The following ARHGEF33 variants were observed in gnomAD, a reference collection of about 807,000 sequenced individuals.
The protein encoded by ARHGEF33 is Rho guanine nucleotide exchange factor 33.
Under a neutral mutation model 101.9 loss-of-function variants are expected in ARHGEF33, and 72 were observed. The observed-to-expected ratio is 0.71, with a 90% CI of 0.58 to 0.86. ARHGEF33 has a LOEUF of 0.86. Ranked by LOEUF, ARHGEF33 falls within the 40% of genes least tolerant of loss-of-function variation. The pLI is 0.00. For missense variants in ARHGEF33, 1,169 were observed against 1,111.3 expected (o/e 1.05, Z -0.74); for synonymous variants, 499 against 442.5 (o/e 1.13, Z -1.60).
Position 38,974,039 on chromosome 2 carries a change from G to A in ARHGEF33, c.*196G>A. On this transcript the variant is annotated 3_prime_UTR_variant, in exon 18 of 18. Transcript: ENST00000409978. ...ATTGAAGAGATGAAGATTAGTTTCT[G>A]GTTAAGATCTGGCTTTTTGAACCTC... 1 of 274,916 alleles carries A rather than the reference G, an allele frequency of 3.6e-6. No homozygotes were observed. The highest frequency in any genetic ancestry group is 5.8e-6 in the Non-Finnish European group (1 of 173,670). The allele number at this position is 274,916 out of a possible 1,614,324, so 17.0% of individuals were successfully genotyped here.
intron 17 of ARHGEF33, among the ~76,000 whole-genome samples, chr2:38,968,386 T>A (rs1444024334): frequency 6.6e-6 from 1 of 152,204 alleles, no homozygotes; most frequent in African/African-American, 2.4e-5. Context: ...TTGTTGTAGC[T>A]TGATCTGAGT....
At chr2:38,895,878 C>G (rs1572736405) in intron 2 of ARHGEF33, 29 bp downstream of exon 2, 2 of 151,706 alleles carry the variant, frequency 1.3e-5, no homozygotes, top group Admixed American at 1.3e-4. Flanking sequence ...GAACTGTTTT[C>G]TAATAAGAAC....
chr2:38,954,632 C>A (rs959922747), intron 13 of ARHGEF33, among the ~76,000 whole-genome samples, 176 bp downstream of exon 13: 1 of 108,662 alleles, frequency 9.2e-6, no homozygotes, highest in African/African-American at 3.6e-5. Flanking sequence ...TGAGCTAAAA[C>A]CTTTTTTTTT....
At chr2:38,939,306 A>G (rs977952643) in intron 9 of ARHGEF33, among the ~76,000 whole-genome samples, 1 of 152,126 alleles carries the variant, frequency 6.6e-6, no homozygotes, top group African/African-American at 2.4e-5. Context: ...ATTTTTTTTT[A>G]GTGGGGGGAT....
chr2:38,910,860 A>G (rs975262033), intron 2 of ARHGEF33, among the ~76,000 whole-genome samples: 3 of 152,170 alleles, frequency 2.0e-5, no homozygotes, highest in South Asian at 4.1e-4. Flanking sequence ...ACCTTAAATT[A>G]CAGTACTTTG....
intron 1 of ARHGEF33, among the ~76,000 whole-genome samples, chr2:38,895,157 C>T (rs896593408): frequency 6.6e-6 from 1 of 152,148 alleles, no homozygotes; most frequent in Non-Finnish European, 1.5e-5. Flanking sequence ...GCAAGTATTA[C>T]TATTACTAAG....
At chr2:38,958,683 T>G (rs1467266981) in intron 15 of ARHGEF33, among the ~76,000 whole-genome samples, 2 of 149,318 alleles carry the variant, frequency 1.3e-5, no homozygotes, top group African/African-American at 5.0e-5. Flanking sequence ...AGTAAGATAT[T>G]GGTTTTAGCA....
chr2:38,959,143 C>T (rs2124421737), intron 15 of ARHGEF33: 1 of 152,220 alleles, frequency 6.6e-6, no homozygotes, highest in East Asian at 1.9e-4. Flanking sequence ...GGTACCCTAT[C>T]CTAGTTTGTA....
At chr2:38,945,304 A>C (rs1193804421) in intron 10 of ARHGEF33, among the ~76,000 whole-genome samples, 1 of 152,180 alleles carries the variant, frequency 6.6e-6, no homozygotes, top group Non-Finnish European at 1.5e-5. Context: ...CTCAAAACAC[A>C]CGCTGCCCTC....
chr2:38,919,814 A>G (rs1666715146), intron 3 of ARHGEF33, among the ~76,000 whole-genome samples: 1 of 152,196 alleles, frequency 6.6e-6, no homozygotes, highest in Non-Finnish European at 1.5e-5. Context: ...TTTACCATAT[A>G]AAAACAACTA....
chr2:38,973,643 G>C lies in ARHGEF33; in HGVS notation c.2484-71G>C, dbSNP rs562983655. ...TGTTTTACAAATGCAAAACAATTGGGATAGATAAAAATATTTGAAAACAAT... is the reference window on the plus strand; with the variant it reads ...TGTTTTACAAATGCAAAACAATTGGCATAGATAAAAATATTTGAAAACAAT... On this transcript the variant is annotated intron_variant, in intron 17 of 17. Transcript: ENST00000409978. 9 of 1,404,258 alleles carry C rather than the reference G, an allele frequency of 6.4e-6. No individual in the cohort carries two copies. The East Asian group carries it at 2.5e-4, about 40-fold the overall frequency. 87.0% of individuals were successfully genotyped at this position (1,404,258 alleles called of 1,614,324 possible).
Position 38,943,826 on chromosome 2 carries a change from C to G in ARHGEF33, c.791-75C>G, listed in dbSNP as rs749872382. 7.8e-6 allele frequency: 11 copies of G among 1,419,084 alleles called. No homozygotes were observed. In the South Asian group the frequency reaches 9.3e-5, roughly 12 times the overall value. 87.9% of individuals were successfully genotyped at this position (1,419,084 alleles called of 1,614,324 possible). A position where few individuals can be genotyped will look rare whatever the true frequency, so the allele number is the denominator to read the frequency against. ...TATTGCTTTCAATATCCTTTTATCA[C>G]TTTTATTGCTTGCATTTAATGGGAT... is the stretch of plus-strand genomic sequence containing the variant. On this transcript the variant is annotated intron_variant, in intron 9 of 17. Coordinates refer to ENST00000409978, the MANE Select transcript of ARHGEF33 (RefSeq NM_001145451.5).
At chr2:38,938,173 C>T (rs572751160) in intron 9 of ARHGEF33, among the ~76,000 whole-genome samples, 2 of 152,188 alleles carry the variant, frequency 1.3e-5, no homozygotes, top group East Asian at 1.9e-4. Flanking sequence ...GTTTTCTTTT[C>T]GGGGGCATGG....
intron 1 of ARHGEF33, among the ~76,000 whole-genome samples, chr2:38,893,343 A>G (rs1666048826): frequency 6.6e-6 from 1 of 151,982 alleles, no homozygotes; most frequent in Non-Finnish European, 1.5e-5. Context: ...TACTTTTAGT[A>G]GAGACAGAGT....
At chr2:38,941,506 C>T (rs537334464) in intron 9 of ARHGEF33, among the ~76,000 whole-genome samples, 3 of 152,134 alleles carry the variant, frequency 2.0e-5, no homozygotes, top group Admixed American at 1.3e-4. Context: ...AAGTCCAGTA[C>T]CATTCTGATA....
chr2:38,950,860 C>G, intron 10 of ARHGEF33, 129 bp from the exon 11 acceptor site: 1 of 832,160 alleles, frequency 1.2e-6, no homozygotes, highest in East Asian at 2.8e-5. Flanking sequence ...TTTAAAAAAT[C>G]CTTAATGCAG....
intron 1 of ARHGEF33, among the ~76,000 whole-genome samples, chr2:38,892,161 T>C (rs962777215): frequency 1.6e-4 from 25 of 151,918 alleles, no homozygotes; most frequent in African/African-American, 5.8e-4. Context: ...AATGAGGGAG[T>C]AGCTGTTTTG....
chr2:38,957,078 C>T (rs1314408298), intron 14 of ARHGEF33, 31 bp downstream of exon 14: 5 of 1,550,404 alleles, frequency 3.2e-6, no homozygotes, highest in Non-Finnish European at 4.4e-6. Flanking sequence ...TCTAGAGGGT[C>T]GAAGACCAGT....
intron 16 of ARHGEF33, among the ~76,000 whole-genome samples, chr2:38,963,035 A>G (rs1409729228): frequency 1.3e-5 from 2 of 150,872 alleles, no homozygotes; most frequent in Non-Finnish European, 3.0e-5. Flanking sequence ...AAAAAAAAAA[A>G]AAAAAGGCCC....
Sources: gnomAD v4.1 joint callset for allele counts (sites outside exome capture counted in the v4.1 genomes callset) on GRCh38, gnomAD v4.1.1 for gene constraint, MANE v1.5 for transcripts, NCBI Gene and HGNC (gene_info 2026-07-23, HGNC 2026-07-21) for gene names.